RYR2: variants seen among roughly 807,000 people sequenced by gnomAD.
RYR2 encodes ryanodine receptor 2.
Under a neutral mutation model 601.1 loss-of-function variants are expected in RYR2, and 227 were observed. That is an observed-to-expected ratio of 0.38 (90% CI 0.34 to 0.42). The LOEUF (loss-of-function observed/expected upper bound fraction) is 0.42. Ranked by LOEUF, RYR2 falls within the 10% of genes least tolerant of loss-of-function variation. The pLI is 1.00. For synonymous variants in RYR2, 2,223 were observed against 2,175.1 expected, an observed-to-expected ratio of 1.02 and a Z score of -0.61; for missense variants, 4,646 against 6,156.5, an observed-to-expected ratio of 0.75 and a Z score of 8.21.
intron 2 of RYR2, among the ~76,000 whole-genome samples, chr1:237,271,858 C>T (rs970010930): frequency 9.9e-5 from 15 of 152,124 alleles, no homozygotes; most frequent in African/African-American, 1.4e-4. Context: ...ACTCCAGGCA[C>T]GGTGTCTCAT....
intron 16 of RYR2, among the ~76,000 whole-genome samples, chr1:237,461,882 G>T (rs541768656): frequency 6.6e-5 from 10 of 151,930 alleles, no homozygotes; most frequent in African/African-American, 1.7e-4. Flanking sequence ...TTCTTTTTGT[G>T]TTATAGTGAG....
chr1:237,062,822 T>G (rs545679620), intron 1 of RYR2, among the ~76,000 whole-genome samples: 2 of 152,352 alleles, frequency 1.3e-5, no homozygotes, highest in South Asian at 4.1e-4. Flanking sequence ...TCAAGGATTT[T>G]ATGATGCTTG....
At position 237,793,959 on chromosome 1, in the gene RYR2, T is replaced by C; in HGVS notation, c.13875T>C (p.Asp4625=). Residue 4625 remains aspartate (D), a synonymous_variant, in exon 95 of 105, where the codon GAT becomes GAC. Transcript: ENST00000366574. ...TTACAGAACAGCCTTCAGAAGATGA[T>C]ATTAAAGGCCAGTGGGATAGACTCG... ...LYITEQPSED[D]IKGQWDRLVI... The C allele has an allele frequency of 6.2e-7, 1 of 1,611,916 alleles. No homozygotes were observed. The highest frequency in any genetic ancestry group is 8.5e-7 in the Non-Finnish European group (1 of 1,178,134).
intron 16 of RYR2, among the ~76,000 whole-genome samples, chr1:237,457,681 G>A (rs1384040193): frequency 6.6e-6 from 1 of 152,188 alleles, no homozygotes; most frequent in African/African-American, 2.4e-5. Flanking sequence ...GGCCTTTGCT[G>A]TGGATGGAGA....
chr1:237,538,281 G>C (rs1020031924), intron 25 of RYR2, among the ~76,000 whole-genome samples: 3 of 150,260 alleles, frequency 2.0e-5, no homozygotes, highest in African/African-American at 7.4e-5. Flanking sequence ...TGTAATCCCA[G>C]CCACTCGGGA....
At position 237,288,627 on chromosome 1, in the gene RYR2, A is replaced by G. The variant is rs187234355; in HGVS notation, c.168+18011A>G. Among the ~76,000 whole-genome samples, 782 of 152,104 alleles carry G rather than the reference A, an allele frequency of 5.1e-3. 1 individual carries two copies. Among genetic ancestry groups the G allele is most frequent in the Non-Finnish European group, 8.6e-3 (583 of 67,968 alleles). On this transcript the variant is annotated intron_variant, in intron 2 of 104. Coordinates refer to ENST00000366574, the MANE Select transcript of RYR2 (RefSeq NM_001035.3). ...TAGTCACAGGCCTCACCCAGCTCCCACGCAAACAGAAGGGCCAGTCGTACT... is the reference window on the plus strand; with the variant it reads ...TAGTCACAGGCCTCACCCAGCTCCCGCGCAAACAGAAGGGCCAGTCGTACT...
intron 101 of RYR2, among the ~76,000 whole-genome samples, chr1:237,822,885 A>C (rs1460442181): frequency 6.6e-6 from 1 of 152,220 alleles, no homozygotes; most frequent in Admixed American, 6.5e-5. Context: ...AGGGATTGCA[A>C]TTCTAGTCTC....
chr1:237,325,676 A>G (rs967988292), intron 2 of RYR2, among the ~76,000 whole-genome samples: 2 of 152,150 alleles, frequency 1.3e-5, no homozygotes, highest in African/African-American at 4.8e-5. Context: ...TAACAGGGCC[A>G]GACTCTGTCT....
At chr1:237,399,712 G>T (rs962616649) in intron 10 of RYR2, among the ~76,000 whole-genome samples, 2 of 152,144 alleles carry the variant, frequency 1.3e-5, no homozygotes, top group East Asian at 1.9e-4. Context: ...CACAATCTGA[G>T]CTGACTCCAT....
At chr1:237,562,094 T>C (rs1012324249) in intron 27 of RYR2, among the ~76,000 whole-genome samples, 2 of 152,248 alleles carry the variant, frequency 1.3e-5, no homozygotes, top group Non-Finnish European at 2.9e-5. Context: ...ATTTATTTTC[T>C]CTTAGGAGAA....
At chr1:237,587,202 T>G (rs1674622080) in intron 29 of RYR2, among the ~76,000 whole-genome samples, 1 of 152,288 alleles carries the variant, frequency 6.6e-6, no homozygotes, top group Non-Finnish European at 1.5e-5. Context: ...TACATAAATC[T>G]TATACTAGTT....
chr1:237,757,200 C>T (rs781041531), intron 81 of RYR2, among the ~76,000 whole-genome samples: 28 of 151,710 alleles, frequency 1.8e-4, no homozygotes, highest in Non-Finnish European at 4.0e-4. Flanking sequence ...TGTTATTATC[C>T]GAATTACTTA....
intron 14 of RYR2, 124 bp downstream of exon 14, chr1:237,445,646 G>A: frequency 8.6e-7 from 1 of 1,158,720 alleles, no homozygotes. Context: ...TGGTAAGTCA[G>A]CAGAAACGTT....
chr1:237,731,351 C>T (rs528619192), intron 77 of RYR2, among the ~76,000 whole-genome samples: 1 of 150,838 alleles, frequency 6.6e-6, no homozygotes, highest in African/African-American at 2.4e-5. Context: ...AAGTTCTATC[C>T]GATAGTAAAA....
At chr1:237,697,400 A>G (rs1024053343) in intron 63 of RYR2, among the ~76,000 whole-genome samples, 2 of 142,332 alleles carry the variant, frequency 1.4e-5, no homozygotes, top group African/African-American at 2.6e-5. Context: ...ATATTATGTT[A>G]TATATTATAT....
chr1:237,709,549 C>T lies in RYR2; in HGVS notation c.10212C>T (p.Ile3404=), dbSNP rs2149069969. ...ELFRMVAEVF[I]YWSKSHNFKR... is the part of the protein sequence containing the mutation. ...TCCGCATGGTGGCTGAAGTGTTTAT[C>T]TACTGGTCGAAGTCCCATGTGAGTG... Residue 3404 remains isoleucine, a synonymous_variant, in exon 70 of 105, where the codon ATC becomes ATT. Coordinates refer to ENST00000366574, the MANE Select transcript of RYR2 (RefSeq NM_001035.3). The T allele has an allele frequency of 3.7e-6, 6 of 1,609,310 alleles. No individual in the cohort carries two copies. The South Asian group carries it at 4.4e-5, about 12-fold the overall frequency.
chr1:237,819,310 CT>C lies in RYR2; in HGVS notation c.14590+122del, dbSNP rs1248951532. The C allele has an allele frequency of 2.1e-6, 2 of 945,628 alleles. No individual in the cohort carries two copies. Among genetic ancestry groups the C allele is most frequent in the Non-Finnish European group, 3.2e-6 (2 of 617,858 alleles). 58.6% of individuals were successfully genotyped at this position (945,628 alleles called of 1,614,324 possible). ...TGTTTCCTGGCAAAGCCAAATCAAA[CT>C]TTTCCTTCCAGTATTTCTTCATCAT... On this transcript the variant is annotated intron_variant, in intron 101 of 104. Coordinates refer to ENST00000366574, the MANE Select transcript of RYR2 (RefSeq NM_001035.3). The surrounding 1 kb of genome is among the most constrained non-coding windows in gnomAD (Gnocchi z 4.0).
At chr1:237,759,528 T>C (rs1693237393) in intron 82 of RYR2, among the ~76,000 whole-genome samples, 1 of 152,198 alleles carries the variant, frequency 6.6e-6, no homozygotes, top group East Asian at 1.9e-4. Context: ...AAGAGTAATA[T>C]ATTACCCCTG....
At chr1:237,625,328 A>G (rs1679533447) in intron 39 of RYR2, among the ~76,000 whole-genome samples, 1 of 152,186 alleles carries the variant, frequency 6.6e-6, no homozygotes, top group Non-Finnish European at 1.5e-5. Flanking sequence ...CTAGGCAGAC[A>G]GTATCTGAAG....
Sources: allele counts gnomAD v4.1 joint callset (sites outside exome capture counted in the v4.1 genomes callset), GRCh38; gene constraint gnomAD v4.1.1; non-coding constraint Gnocchi (gnomAD v3.1); transcripts MANE v1.5; gene names NCBI Gene and HGNC (gene_info 2026-07-23, HGNC 2026-07-21).